The following FAF1 variants were observed in gnomAD, a reference collection of about 807,000 sequenced individuals.
FAF1 encodes FAS-associated factor 1.
Under a neutral mutation model 92.5 loss-of-function variants are expected in FAF1, and 25 were observed. That is an observed-to-expected ratio of 0.27 (90% confidence interval 0.20 to 0.38). The LOEUF (loss-of-function observed/expected upper bound fraction) is 0.38. Ranked by LOEUF, FAF1 falls within the 10% of genes least tolerant of loss-of-function variation. The pLI is 1.00. For synonymous variants in FAF1, 234 were observed against 273.2 expected, an observed-to-expected ratio of 0.86 and a Z score of 1.42; for missense variants, 636 against 793.3, an observed-to-expected ratio of 0.80 and a Z score of 2.38.
At chr1:50,714,599 T>C (rs1371092409) in intron 6 of FAF1, among the ~76,000 whole-genome samples, 1 of 152,186 alleles carries the variant, frequency 6.6e-6, no homozygotes, top group East Asian at 1.9e-4. Flanking sequence ...GGGTATCAGT[T>C]TTTTAGCCAG....
At chr1:50,536,898 T>C (rs1269960310) in intron 14 of FAF1, among the ~76,000 whole-genome samples, 1 of 152,202 alleles carries the variant, frequency 6.6e-6, no homozygotes, top group Non-Finnish European at 1.5e-5. Context: ...GGAGATAACG[T>C]AAAGTATATA....
intron 15 of FAF1, among the ~76,000 whole-genome samples, chr1:50,503,320 T>A (rs1351389235): frequency 1.3e-5 from 2 of 151,926 alleles, no homozygotes; most frequent in Admixed American, 6.6e-5. Context: ...CATAAAAAAT[T>A]GTATAGATAT....
At position 50,786,359 on chromosome 1, in the gene FAF1, G is replaced by A. The variant is rs140264335; in HGVS notation, c.367+1641C>T. Among the ~76,000 whole-genome samples the A allele has an allele frequency of 7.9e-3, 1,209 of 152,192 alleles. 11 individuals carry two copies. Among genetic ancestry groups the A allele is most frequent in the Admixed American group, 0.012 (190 of 15,300 alleles). ...GCTAAGTGAAATAAGCCATCACAGC[G>A]GGCAAATACTGCATTATTCCACTTC... is the stretch of plus-strand genomic sequence containing the variant. On this transcript the variant is annotated intron_variant, in intron 4 of 18. Transcript: ENST00000396153.
intron 8 of FAF1, among the ~76,000 whole-genome samples, chr1:50,629,797 G>A (rs1271537580): frequency 3.3e-5 from 5 of 152,046 alleles, no homozygotes; most frequent in African/African-American, 1.2e-4. Flanking sequence ...AGTGGCTCAC[G>A]CCTGTAATCC....
intron 15 of FAF1, among the ~76,000 whole-genome samples, chr1:50,492,627 G>A (rs1646853112): frequency 6.6e-6 from 1 of 152,116 alleles, no homozygotes. Context: ...TAGAGTGTAG[G>A]TTCCCTTTTT....
At chr1:50,688,747 G>A (rs1656785124) in intron 7 of FAF1, among the ~76,000 whole-genome samples, 2 of 152,164 alleles carry the variant, frequency 1.3e-5, no homozygotes, top group Admixed American at 1.3e-4. Context: ...GGGAGGCGGA[G>A]GTTGCGGTGA....
At chr1:50,574,598 C>T (rs1650623394) in intron 12 of FAF1, among the ~76,000 whole-genome samples, 1 of 152,108 alleles carries the variant, frequency 6.6e-6, no homozygotes, top group Non-Finnish European at 1.5e-5. Context: ...ACTCCTCGCC[C>T]CCACTTTTAG....
At chr1:50,494,207 T>C (rs1646873293) in intron 15 of FAF1, among the ~76,000 whole-genome samples, 1 of 152,246 alleles carries the variant, frequency 6.6e-6, no homozygotes, top group African/African-American at 2.4e-5. Flanking sequence ...TCTCCAACTG[T>C]CCTCTTCAGA....
intron 8 of FAF1, among the ~76,000 whole-genome samples, chr1:50,625,595 G>A (rs1653460980): frequency 6.6e-6 from 1 of 152,110 alleles, no homozygotes; most frequent in Non-Finnish European, 1.5e-5. Flanking sequence ...TAAAGAGGAG[G>A]GTAGGCGGAG....
At position 50,438,242 on chromosome 1, in the gene FAF1, T is replaced by C. The variant is rs1646143371; in HGVS notation, c.*3198A>G. 1 of 152,112 alleles carries C rather than the reference T, an allele frequency of 6.6e-6. No homozygotes were observed. Among genetic ancestry groups the C allele is most frequent in the South Asian group, 2.1e-4 (1 of 4,828 alleles). 9.4% of individuals were successfully genotyped at this position (152,112 alleles called of 1,614,324 possible). ...TATGATGTGTGAAAGGTGTGTCCAA[T>C]TGCAAAGTGCTATCAGAATGTTGTA... On this transcript the variant is annotated 3_prime_UTR_variant, in exon 19 of 19. Coordinates refer to ENST00000396153, the MANE Select transcript of FAF1 (RefSeq NM_007051.3).
At chr1:50,804,128 A>G (rs1467457925) in intron 2 of FAF1, among the ~76,000 whole-genome samples, 1 of 152,196 alleles carries the variant, frequency 6.6e-6, no homozygotes, top group East Asian at 1.9e-4. Flanking sequence ...CTATGTACCA[A>G]GCACTATGCT....
rs1645035659 is a variant in FAF1 at position 50,929,935 on chromosome 1, T to C, written c.45+29832A>G. ...TCAGTAATTTACAGTCTACAACTCT[T>C]AAAAAGCAAATAACATATATTAGGC... On this transcript the variant is annotated intron_variant, in intron 1 of 18. Transcript: ENST00000396153. Among the ~76,000 whole-genome samples the C allele has an allele frequency of 3.3e-5, 5 of 152,240 alleles. No homozygotes were observed. The South Asian group carries it at 1.0e-3, about 32-fold the overall frequency.
intron 1 of FAF1, among the ~76,000 whole-genome samples, chr1:50,957,439 C>T (rs1645277603): frequency 6.7e-6 from 1 of 149,556 alleles, no homozygotes; most frequent in Middle Eastern, 3.4e-3. Flanking sequence ...GCAAGCTCCG[C>T]CTCCCAGGTT....
In FAF1 at chr1:50,485,805, C is replaced by T. The variant is rs191440604; in HGVS notation, c.1653+4783G>A. On this transcript the variant is annotated intron_variant, in intron 17 of 18. Transcript: ENST00000396153. ...TGACTGGGAGGCCTCAAGAAATTTA[C>T]AATCATGGTGGAAGGCGAAGGGGAA... 1.0e-3 allele frequency among the ~76,000 whole-genome samples: 155 copies of T among 148,200 alleles called. 1 individual carries two copies. The highest frequency in any genetic ancestry group is 1.9e-3 in the Non-Finnish European group (129 of 67,484).
At chr1:50,878,292 T>C (rs1207959895) in intron 1 of FAF1, among the ~76,000 whole-genome samples, 1 of 152,216 alleles carries the variant, frequency 6.6e-6, no homozygotes. Flanking sequence ...AGTTACAGTG[T>C]TGTCCACTGG....
chr1:50,958,293 G>A (rs952237002), intron 1 of FAF1, among the ~76,000 whole-genome samples: 25 of 152,250 alleles, frequency 1.6e-4, no homozygotes, highest in Non-Finnish European at 1.5e-4. Flanking sequence ...TCAAACTGTA[G>A]ATATATGCAT....
At chr1:50,691,391 C>A (rs1188379747) in intron 7 of FAF1, among the ~76,000 whole-genome samples, 1 of 151,936 alleles carries the variant, frequency 6.6e-6, no homozygotes, top group Non-Finnish European at 1.5e-5. Flanking sequence ...TGCAGGCATG[C>A]ACCACAATGT....
At chr1:50,808,104 G>A (rs371995658) in intron 2 of FAF1, among the ~76,000 whole-genome samples, 1 of 152,070 alleles carries the variant, frequency 6.6e-6, no homozygotes, top group East Asian at 1.9e-4. Context: ...ATTATATTCA[G>A]CATTCTTAAA....
At chr1:50,652,502 T>C (rs1569681882) in intron 8 of FAF1, among the ~76,000 whole-genome samples, 1 of 152,234 alleles carries the variant, frequency 6.6e-6, no homozygotes, top group African/African-American at 2.4e-5. Context: ...GCAAAAGCAG[T>C]TGGCTTTTCC....
Sources: gnomAD v4.1 joint callset for allele counts (sites outside exome capture counted in the v4.1 genomes callset) on GRCh38, gnomAD v4.1.1 for gene constraint, MANE v1.5 for transcripts, NCBI Gene and HGNC (gene_info 2026-07-23, HGNC 2026-07-21) for gene names.